Variants in MEGF10 observed in about 807,000 individuals in gnomAD.
MEGF10 encodes the protein multiple epidermal growth factor-like domains protein 10.
Under a neutral mutation model 147.5 loss-of-function variants are expected in MEGF10, and 86 were observed. That is an observed-to-expected ratio of 0.58 (90% CI 0.49 to 0.70). The LOEUF (loss-of-function observed/expected upper bound fraction) is 0.70, where lower values mean the gene tolerates loss of function less well. Ranked by LOEUF, MEGF10 falls within the 30% of genes least tolerant of loss-of-function variation. The pLI is 0.00. For synonymous variants in MEGF10, 478 were observed against 525.5 expected (o/e 0.91, Z 1.24); for missense variants, 1,329 against 1,487.3 (o/e 0.89, Z 1.75).
chr5:127,242,106 A>G, the MEGF10 span, among the ~76,000 whole-genome samples: 1 of 152,236 alleles, frequency 6.6e-6, no homozygotes, highest in Non-Finnish European at 1.5e-5. Context: ...GAATGTGAAG[A>G]TACAAAGAAA....
the MEGF10 span, among the ~76,000 whole-genome samples, chr5:127,271,617 TG>T: frequency 6.6e-6 from 1 of 152,052 alleles, no homozygotes; most frequent in Non-Finnish European, 1.5e-5. Flanking sequence ...TGGGTGGTCA[TG>T]GGGGTGGCCA....
intron 4 of MEGF10, among the ~76,000 whole-genome samples, chr5:127,367,171 T>C (rs1383949094): frequency 6.6e-6 from 1 of 151,974 alleles, no homozygotes; most frequent in Non-Finnish European, 1.5e-5. Context: ...ATCAAATAAG[T>C]AGTGTGTGGA....
chr5:127,271,659 A>G, the MEGF10 span, among the ~76,000 whole-genome samples: 2 of 151,862 alleles, frequency 1.3e-5, no homozygotes, highest in Non-Finnish European at 2.9e-5. Context: ...ATAGTGAGTG[A>G]GTTCTTACAA....
chr5:127,428,141 A>ATTTTTTTTTTTTTT (rs66935934), intron 13 of MEGF10, among the ~76,000 whole-genome samples: 4 of 103,570 alleles, frequency 3.9e-5, no homozygotes, highest in Non-Finnish European at 7.7e-5. Context: ...GGTGTCTGGT[A>ATTTTTTTTTTTTTT]TTTTTTTTTT....
At chr5:127,417,455 C>T (rs904693927) in intron 9 of MEGF10, among the ~76,000 whole-genome samples, 183 bp from the exon 10 acceptor site, 2 of 152,190 alleles carry the variant, frequency 1.3e-5, no homozygotes, top group Non-Finnish European at 2.9e-5. Flanking sequence ...ATACAACATT[C>T]CTGTAGTACC....
chr5:127,372,302 A>C (rs1580778095), intron 5 of MEGF10, among the ~76,000 whole-genome samples: 1 of 152,214 alleles, frequency 6.6e-6, no homozygotes, highest in South Asian at 2.1e-4. Flanking sequence ...TTTAAAATAC[A>C]AATTGGTTTT....
intron 5 of MEGF10, among the ~76,000 whole-genome samples, chr5:127,372,767 T>C (rs547899871): frequency 5.9e-5 from 9 of 152,356 alleles, no homozygotes; most frequent in African/African-American, 2.2e-4. Flanking sequence ...TCTCTTCACA[T>C]GATATCATGA....
chr5:127,274,693 G>A, the MEGF10 span, among the ~76,000 whole-genome samples: 6 of 152,132 alleles, frequency 3.9e-5, no homozygotes, highest in Non-Finnish European at 5.9e-5. Flanking sequence ...GGTTTTAAAA[G>A]TAATTACTGA....
intron 22 of MEGF10, 107 bp from the exon 23 acceptor site, chr5:127,454,458 TG>T: frequency 1.1e-6 from 1 of 874,924 alleles, no homozygotes. Context: ...AGCAGCAGCC[TG>T]GTTGTTTGCT....
At chr5:127,346,632 T>C (rs1761905110) in intron 4 of MEGF10, among the ~76,000 whole-genome samples, 1 of 152,210 alleles carries the variant, frequency 6.6e-6, no homozygotes, top group Admixed American at 6.6e-5. Flanking sequence ...GATGTATAGA[T>C]TGTGAAGATT....
At chr5:127,283,491 T>C in the MEGF10 span, among the ~76,000 whole-genome samples, 2 of 152,332 alleles carry the variant, frequency 1.3e-5, no homozygotes, top group South Asian at 4.1e-4. Context: ...AAGAATATCC[T>C]AGATAGGCAT....
the MEGF10 span, among the ~76,000 whole-genome samples, chr5:127,247,377 G>C: frequency 2.4e-3 from 27 of 11,440 alleles, 2 homozygotes; most frequent in African/African-American, 7.3e-3. Context: ...AGAAGAAGAA[G>C]AAGAAGAAGA....
chr5:127,269,118 CA>C, the MEGF10 span, among the ~76,000 whole-genome samples: 1 of 152,268 alleles, frequency 6.6e-6, no homozygotes, highest in South Asian at 2.1e-4. Flanking sequence ...CAAAGGTAGA[CA>C]AAACCACAAA....
chr5:127,394,303 T>C (rs573253949), intron 5 of MEGF10, among the ~76,000 whole-genome samples: 27 of 152,282 alleles, frequency 1.8e-4, no homozygotes, highest in Admixed American at 8.5e-4. Context: ...TGGAAAAGTA[T>C]TGGAGTTGTA....
intron 4 of MEGF10, among the ~76,000 whole-genome samples, chr5:127,364,658 G>A (rs547899835): frequency 1.3e-5 from 2 of 152,304 alleles, no homozygotes; most frequent in East Asian, 1.9e-4. Context: ...TTGTAATTTT[G>A]TAAGGACTTT....
chr5:127,442,992 C>T lies in MEGF10; in HGVS notation c.2363-6C>T. On this transcript the variant is annotated splice_polypyrimidine_tract_variant and splice_region_variant and intron_variant, in intron 18 of 24. Coordinates refer to ENST00000503335, the MANE Select transcript of MEGF10 (RefSeq NM_001256545.2). ...TGGAAAGCTACATTTGACTTTCCTTCTCTAGAGTGCCCTTCAGGAACATAT... is the reference window on the plus strand; with the variant it reads ...TGGAAAGCTACATTTGACTTTCCTTTTCTAGAGTGCCCTTCAGGAACATAT... 1 of 1,609,488 alleles carries T rather than the reference C, an allele frequency of 6.2e-7. No homozygotes were observed. Among genetic ancestry groups the T allele is most frequent in the Middle Eastern group, 1.7e-4 (1 of 6,042 alleles).
intron 9 of MEGF10, among the ~76,000 whole-genome samples, chr5:127,414,102 A>G (rs1371242990): frequency 6.6e-6 from 1 of 152,232 alleles, no homozygotes; most frequent in Non-Finnish European, 1.5e-5. Flanking sequence ...GACTTACTGA[A>G]GTAAACTTAA....
At chr5:127,244,545 A>G in the MEGF10 span, among the ~76,000 whole-genome samples, 1 of 152,156 alleles carries the variant, frequency 6.6e-6, no homozygotes, top group Non-Finnish European at 1.5e-5. Context: ...GCATAATGAA[A>G]AAAAGCCATA....
chr5:127,374,313 C>A (rs923961697), intron 5 of MEGF10, among the ~76,000 whole-genome samples: 1 of 152,176 alleles, frequency 6.6e-6, no homozygotes, highest in African/African-American at 2.4e-5. Context: ...GTCTCTCTAG[C>A]GCCCCCTATT....
Sources: allele counts gnomAD v4.1 joint callset (sites outside exome capture counted in the v4.1 genomes callset), GRCh38; gene constraint gnomAD v4.1.1; transcripts MANE v1.5; gene names NCBI Gene and HGNC (gene_info 2026-07-23, HGNC 2026-07-21).